Variants in MAML3 observed in about 807,000 individuals in gnomAD.
The protein encoded by MAML3 is mastermind like transcriptional coactivator 3, also known as mastermind-like protein 3.
A neutral mutation model predicts 101.9 loss-of-function variants in MAML3; 27 were observed. That is an observed-to-expected ratio of 0.27 (90% CI 0.20 to 0.37). The LOEUF (loss-of-function observed/expected upper bound fraction) is 0.37. Ranked by LOEUF, MAML3 falls within the 10% of genes least tolerant of loss-of-function variation. The pLI is 1.00. For synonymous variants in MAML3, 501 were observed against 555.9 expected, an observed-to-expected ratio of 0.90 and a Z score of 1.39; for missense variants, 1,316 against 1,444.9, an observed-to-expected ratio of 0.91 and a Z score of 1.45.
At chr4:139,763,515 T>C (rs1695230172) in intron 2 of MAML3, among the ~76,000 whole-genome samples, 2 of 152,110 alleles carry the variant, frequency 1.3e-5, no homozygotes, top group Admixed American at 1.3e-4. Flanking sequence ...AAATGATGCT[T>C]AGGTGTTAAA....
At chr4:140,086,211 G>T (rs569196478) in intron 1 of MAML3, among the ~76,000 whole-genome samples, 414 of 152,306 alleles carry the variant, frequency 2.7e-3, no homozygotes, top group African/African-American at 9.5e-3. Flanking sequence ...GGGAATAGCT[G>T]ATCTGACCCT....
intron 1 of MAML3, among the ~76,000 whole-genome samples, chr4:139,955,953 A>G: frequency 6.6e-6 from 1 of 152,232 alleles, no homozygotes; most frequent in Non-Finnish European, 1.5e-5. Flanking sequence ...TGAATTGGAA[A>G]TATAGAGGGA....
intron 2 of MAML3, 107 bp downstream of exon 2, chr4:139,889,250 G>T: frequency 1.2e-6 from 2 of 1,601,852 alleles, no homozygotes; most frequent in Non-Finnish European, 1.7e-6. Flanking sequence ...GAGGTTTTCT[G>T]CAGGCAATTA....
rs1405556660 is a variant in MAML3 at position 139,987,930 on chromosome 4, G to A, written c.469-96963C>T. 3.5e-5 allele frequency among the ~76,000 whole-genome samples: 5 copies of A among 144,382 alleles called. No homozygotes were observed. In the East Asian group the frequency reaches 6.5e-4, roughly 19 times the overall value. The allele number at this position is 144,382 out of a possible 152,430, so 94.7% of individuals were successfully genotyped here. A position where few individuals can be genotyped will look rare whatever the true frequency, so the allele number is the denominator to read the frequency against. On this transcript the variant is annotated intron_variant, in intron 1 of 4. Transcript: ENST00000509479. ...CCAGCTACTTGGGAGGCTGAGGCAG[G>A]AGAATCGCTTGAACTCAGGAGGTGG... is the stretch of plus-strand genomic sequence containing the variant.
intron 2 of MAML3, among the ~76,000 whole-genome samples, chr4:139,832,441 C>T (rs1731185374): frequency 6.6e-6 from 1 of 151,988 alleles, no homozygotes; most frequent in Non-Finnish European, 1.5e-5. Context: ...GATTGTTTCC[C>T]TCAAATGTGC....
chr4:139,801,855 G>A (rs184977203), intron 2 of MAML3, among the ~76,000 whole-genome samples: 92 of 152,258 alleles, frequency 6.0e-4, no homozygotes, highest in African/African-American at 2.0e-3. Context: ...CTTGTGAAGA[G>A]TTAATTCCTA....
intron 1 of MAML3, among the ~76,000 whole-genome samples, chr4:139,930,743 T>C (rs6830802): frequency 0.065 from 9,937 of 152,202 alleles, 1,016 homozygotes; most frequent in African/African-American, 0.22. Context: ...CTTTTTCTTA[T>C]GTTTAAATGA....
chr4:139,799,977 A>G (rs908597496), intron 2 of MAML3, among the ~76,000 whole-genome samples: 1 of 152,200 alleles, frequency 6.6e-6, no homozygotes, highest in Non-Finnish European at 1.5e-5. Flanking sequence ...AATATTTATA[A>G]TATCAGGAAA....
intron 2 of MAML3, among the ~76,000 whole-genome samples, chr4:139,852,403 G>GTTTTTTTTTTTTTGTTGT: frequency 1.5e-5 from 1 of 68,350 alleles, no homozygotes; most frequent in African/African-American, 6.6e-5. Flanking sequence ...TCAGAAGACT[G>GTTTTTTTTTTTTTGTTGT]TTTTTTTTTT....
intron 2 of MAML3, among the ~76,000 whole-genome samples, chr4:139,775,888 G>A (rs879372479): frequency 6.6e-6 from 1 of 152,142 alleles, no homozygotes; most frequent in Non-Finnish European, 1.5e-5. Flanking sequence ...CGACTGCTTA[G>A]GAAATATTTC....
intron 1 of MAML3, among the ~76,000 whole-genome samples, chr4:140,105,777 A>G (rs1279361573): frequency 2.0e-5 from 3 of 152,142 alleles, no homozygotes; most frequent in Admixed American, 1.3e-4. Context: ...TCACACATCA[A>G]TCAAGTGATG....
intron 2 of MAML3, among the ~76,000 whole-genome samples, chr4:139,851,642 G>C (rs1382327463): frequency 2.0e-5 from 3 of 152,252 alleles, no homozygotes; most frequent in African/African-American, 7.2e-5. Flanking sequence ...AGGCTGGTTG[G>C]GGGCATTGGC....
At chr4:140,069,657 G>A (rs1173618461) in intron 1 of MAML3, among the ~76,000 whole-genome samples, 2 of 149,042 alleles carry the variant, frequency 1.3e-5, no homozygotes, top group Admixed American at 6.8e-5. Flanking sequence ...AGGAGGAGAA[G>A]GAGAAGGAGA....
At chr4:139,791,200 C>T (rs1730402418) in intron 2 of MAML3, among the ~76,000 whole-genome samples, 1 of 152,134 alleles carries the variant, frequency 6.6e-6, no homozygotes, top group Non-Finnish European at 1.5e-5. Context: ...ATTATCCTTA[C>T]ATCATCTCAT....
intron 1 of MAML3, among the ~76,000 whole-genome samples, chr4:139,937,300 C>A (rs1205539320): frequency 6.6e-6 from 1 of 151,818 alleles, no homozygotes; most frequent in African/African-American, 2.4e-5. Context: ...TGCACAACAA[C>A]AAAACACCAC....
At chr4:139,842,248 G>A (rs1731375665) in intron 2 of MAML3, among the ~76,000 whole-genome samples, 1 of 152,218 alleles carries the variant, frequency 6.6e-6, no homozygotes, top group Admixed American at 6.5e-5. Context: ...GAGGTTTGAG[G>A]ATGCCAAACA....
intron 2 of MAML3, among the ~76,000 whole-genome samples, chr4:139,814,656 G>C (rs1457415569): frequency 6.6e-6 from 1 of 152,140 alleles, no homozygotes; most frequent in Non-Finnish European, 1.5e-5. Context: ...TAGCTGAAAG[G>C]TGGGTAACAC....
chr4:139,846,675 G>A (rs1731456944), intron 2 of MAML3, among the ~76,000 whole-genome samples: 1 of 152,170 alleles, frequency 6.6e-6, no homozygotes, highest in African/African-American at 2.4e-5. Context: ...ATAGCCATTA[G>A]TTTATATGAC....
At chr4:139,886,540 A>T (rs1732342264) in intron 2 of MAML3, among the ~76,000 whole-genome samples, 1 of 152,174 alleles carries the variant, frequency 6.6e-6, no homozygotes, top group Admixed American at 6.5e-5. Flanking sequence ...TACACATATT[A>T]AAAGTCACAA....
Sources: allele counts gnomAD v4.1 joint callset (sites outside exome capture counted in the v4.1 genomes callset), GRCh38; gene constraint gnomAD v4.1.1; transcripts MANE v1.5; gene names NCBI Gene and HGNC (gene_info 2026-07-23, HGNC 2026-07-21).